The following NAV2 variants were observed in gnomAD, a reference collection of about 807,000 sequenced individuals.
NAV2 encodes the protein neuron navigator 2, also known as helicase, APC down-regulated 1.
In NAV2, 54 loss-of-function variants were observed where a neutral mutation model predicts 223.2. The ratio of observed to expected loss-of-function variants is 0.24; its 90% CI spans 0.19 to 0.30. The LOEUF (loss-of-function observed/expected upper bound fraction) is 0.30, where lower values mean the gene tolerates loss of function less well. Ranked by LOEUF, NAV2 falls within the 10% of genes least tolerant of loss-of-function variation. NAV2 has a pLI of 1.00. For synonymous variants in NAV2, 1,279 were observed against 1,239.3 expected (o/e 1.03, Z -0.67); for missense variants, 2,806 against 3,147.5 (o/e 0.89, Z 2.60).
At chr11:19,604,716 C>G (rs1010188602) in intron 1 of NAV2, among the ~76,000 whole-genome samples, 1 of 152,174 alleles carries the variant, frequency 6.6e-6, no homozygotes, top group Non-Finnish European at 1.5e-5. Flanking sequence ...TATGGTTTGG[C>G]TATGTCCCCA....
chr11:20,088,512 C>T (rs1565035664), intron 26 of NAV2, among the ~76,000 whole-genome samples: 1 of 152,172 alleles, frequency 6.6e-6, no homozygotes, highest in South Asian at 2.1e-4. Flanking sequence ...CGTTATAGGG[C>T]ATCTGTCTCA....
intron 22 of NAV2, among the ~76,000 whole-genome samples, chr11:20,071,128 C>T (rs2059383257): frequency 6.8e-6 from 1 of 147,990 alleles, no homozygotes; most frequent in Non-Finnish European, 1.5e-5. Flanking sequence ...CCGACAGGCC[C>T]TGGTGTCTGA....
chr11:19,368,969 T>C (rs1409789407), intron 1 of NAV2, among the ~76,000 whole-genome samples: 1 of 152,198 alleles, frequency 6.6e-6, no homozygotes, highest in African/African-American at 2.4e-5. Context: ...CATAACTCTT[T>C]CTTTCTCCAA....
At chr11:19,691,589 A>G (rs1307142852) in intron 1 of NAV2, among the ~76,000 whole-genome samples, 2 of 151,806 alleles carry the variant, frequency 1.3e-5, no homozygotes, top group Non-Finnish European at 1.5e-5. Flanking sequence ...ATTTTTGGAG[A>G]CGGAGTCTCG....
intron 1 of NAV2, among the ~76,000 whole-genome samples, chr11:19,407,694 C>T (rs7952296): frequency 0.21 from 29,554 of 143,148 alleles, 3,465 homozygotes; most frequent in Middle Eastern, 0.29. Context: ...CCACCCATAG[C>T]CCCCGCATGC....
At chr11:19,816,620 G>T (rs927050855) in intron 1 of NAV2, among the ~76,000 whole-genome samples, 3 of 152,166 alleles carry the variant, frequency 2.0e-5, no homozygotes, top group Admixed American at 6.5e-5. Context: ...TAAGTGACTT[G>T]CCTGGACTTG....
intron 1 of NAV2, among the ~76,000 whole-genome samples, chr11:19,753,703 T>C (rs2152508849): frequency 6.6e-6 from 1 of 152,366 alleles, no homozygotes; most frequent in South Asian, 2.1e-4. Context: ...GGACAGTTGC[T>C]GAAGTCAGAA....
chr11:19,631,508 G>A (rs2047344503), intron 1 of NAV2, among the ~76,000 whole-genome samples: 1 of 152,108 alleles, frequency 6.6e-6, no homozygotes, highest in Non-Finnish European at 1.5e-5. Context: ...ATGGATTTAG[G>A]GCTATCTTTC....
intron 6 of NAV2, among the ~76,000 whole-genome samples, chr11:19,907,235 C>G (rs1247010438): frequency 1.3e-5 from 2 of 152,112 alleles, no homozygotes; most frequent in African/African-American, 2.4e-5. Context: ...GAACTGAGAA[C>G]CTCAGAGAGC....
At chr11:19,832,408 G>A (rs1010884666) in intron 1 of NAV2, 76 bp from the exon 2 acceptor site, 19 of 1,130,806 alleles carry the variant, frequency 1.7e-5, no homozygotes, top group East Asian at 2.3e-5. Flanking sequence ...CCACTGTGCC[G>A]GCCCGAGCAG....
At position 19,904,741 on chromosome 11, in the gene NAV2, C is replaced by G. The variant is rs542459864; in HGVS notation, c.931+12147C>G. 5.3e-5 allele frequency among the ~76,000 whole-genome samples: 8 copies of G among 152,150 alleles called. No homozygotes were observed. The South Asian group carries it at 1.7e-3, about 32-fold the overall frequency. Reference sequence around the variant, plus strand: ...CTCCATATGTATATTGTGAAAAGAACTTTTCACATTTGTCTTCTCACAGTT... The same window carrying G: ...CTCCATATGTATATTGTGAAAAGAAGTTTTCACATTTGTCTTCTCACAGTT... On this transcript the variant is annotated intron_variant, in intron 6 of 37. Coordinates refer to ENST00000349880, the MANE Select transcript of NAV2 (RefSeq NM_145117.5).
At chr11:19,622,485 G>T (rs2047027750) in intron 1 of NAV2, among the ~76,000 whole-genome samples, 1 of 152,250 alleles carries the variant, frequency 6.6e-6, no homozygotes, top group Middle Eastern at 3.4e-3. Flanking sequence ...TCTTCTTGTT[G>T]AATTGATCCC....
chr11:19,927,713 C>CAA (rs150124143), intron 6 of NAV2, among the ~76,000 whole-genome samples: 6 of 151,466 alleles, frequency 4.0e-5, no homozygotes, highest in African/African-American at 1.2e-4. Flanking sequence ...CAAAACAAAA[C>CAA]AAAAAAAACC....
intron 1 of NAV2, among the ~76,000 whole-genome samples, chr11:19,533,211 T>A (rs933013550): frequency 5.3e-5 from 8 of 151,338 alleles, no homozygotes; most frequent in Non-Finnish European, 1.2e-4. Flanking sequence ...TTTCTTAACC[T>A]CAGCACAATT....
At chr11:19,779,274 A>AG (rs2056548274) in intron 1 of NAV2, among the ~76,000 whole-genome samples, 1 of 152,200 alleles carries the variant, frequency 6.6e-6, no homozygotes, top group Non-Finnish European at 1.5e-5. Context: ...GGAAGCCCTG[A>AG]GGGAGTAGCA....
chr11:19,595,050 G>C (rs1305405611), intron 1 of NAV2, among the ~76,000 whole-genome samples: 1 of 152,182 alleles, frequency 6.6e-6, no homozygotes, highest in Non-Finnish European at 1.5e-5. Context: ...CGATGTGAGA[G>C]AACAGGGAAG....
In NAV2 at chr11:19,713,793, G is replaced by A. The variant is rs762306636; in HGVS notation, c.98G>A (p.Gly33Asp). The part of the protein sequence containing the change: ...PILHVPPARA[G>D]PQPCYLKLGS... ...CTGCACGTGCCCCCGGCCCGGGCGG[G>A]CCCCCAGCCCTGCTACCTGAAGTTG... The change falls in exon 1 of 38, where the codon GGC (glycine) becomes GAC (aspartate). Residue 33 changes from glycine to aspartate, a missense_variant. Physicochemically the swap from Gly to Asp is moderately conservative, Grantham distance 94. Coordinates refer to ENST00000349880, the MANE Select transcript of NAV2 (RefSeq NM_145117.5). The surrounding 1 kb of genome is among the most constrained non-coding windows in gnomAD (Gnocchi z 7.2). 2.6e-5 allele frequency: 42 copies of A among 1,612,760 alleles called. No individual in the cohort carries two copies. The highest frequency in any genetic ancestry group is 3.1e-5 in the Non-Finnish European group (37 of 1,179,692).
rs1232214347 is a variant in NAV2 at position 19,933,108 on chromosome 11, T to G, written c.932-68T>G. The G allele has an allele frequency of 6.8e-7, 1 of 1,467,806 alleles. No individual in the cohort carries two copies. The highest frequency in any genetic ancestry group is 9.0e-7 in the Non-Finnish European group (1 of 1,106,336). 90.9% of individuals were successfully genotyped at this position (1,467,806 alleles called of 1,614,324 possible). ...GAGTGATTGGTTGTGTGGCCATGGCTGACCCTCCCTGGTCTTCAGTGCAGG... is the reference window on the plus strand; with the variant it reads ...GAGTGATTGGTTGTGTGGCCATGGCGGACCCTCCCTGGTCTTCAGTGCAGG... On this transcript the variant is annotated intron_variant, in intron 6 of 37. Coordinates refer to ENST00000349880, the MANE Select transcript of NAV2 (RefSeq NM_145117.5). This position sits in a 1 kb window ranked among gnomAD's most constrained non-coding sequence, Gnocchi z 4.3.
chr11:19,682,982 G>A (rs751377214), intron 1 of NAV2, among the ~76,000 whole-genome samples: 3 of 152,228 alleles, frequency 2.0e-5, no homozygotes, highest in Admixed American at 6.5e-5. Flanking sequence ...GAACTAGGAT[G>A]AGGGAGGACT....
Sources: gnomAD v4.1 joint callset for allele counts (sites outside exome capture counted in the v4.1 genomes callset) on GRCh38, gnomAD v4.1.1 for gene constraint, Gnocchi (gnomAD v3.1) non-coding constraint, MANE v1.5 for transcripts, NCBI Gene and HGNC (gene_info 2026-07-23, HGNC 2026-07-21) for gene names.